ROBO2: variants seen among roughly 807,000 people sequenced by gnomAD.
The protein encoded by ROBO2 is roundabout guidance receptor 2.
In ROBO2, 53 loss-of-function variants were observed where a neutral mutation model predicts 160.8. That is an observed-to-expected ratio of 0.33 (90% confidence interval 0.26 to 0.41). The LOEUF is 0.41. ROBO2 is among the 10% of genes least tolerant of loss of function. The pLI is 1.00. For missense variants in ROBO2, 1,577 were observed against 1,722.4 expected (o/e 0.92, Z 1.49); for synonymous variants, 664 against 611.7 (o/e 1.09, Z -1.26).
Position 77,546,468 on chromosome 3 carries a change from T to G in ROBO2, c.1059+6T>G, listed in dbSNP as rs1262711040. On this transcript the variant is annotated splice_donor_region_variant and intron_variant, in intron 7 of 25. Transcript: ENST00000461745. Reference sequence around the variant, plus strand: ...GGCAGAAAGAAGGCAGCCAGGTGAGTGTGAGGCTTCACTGCTTTTCTGAAA... The same window carrying G: ...GGCAGAAAGAAGGCAGCCAGGTGAGGGTGAGGCTTCACTGCTTTTCTGAAA... The G allele has an allele frequency of 6.2e-7, 1 of 1,612,890 alleles. No individual in the cohort carries two copies. The highest frequency in any genetic ancestry group is 1.7e-5 in the Admixed American group (1 of 59,958).
At chr3:76,061,760 T>C (rs1157599625) in intron 2 of ROBO2, among the ~76,000 whole-genome samples, 1 of 152,124 alleles carries the variant, frequency 6.6e-6, no homozygotes, top group African/African-American at 2.4e-5. Flanking sequence ...CTTATAATTA[T>C]GTAGCCTAGA....
chr3:77,410,048 T>C (rs2076579530), intron 2 of ROBO2, among the ~76,000 whole-genome samples: 1 of 152,224 alleles, frequency 6.6e-6, no homozygotes, highest in South Asian at 2.1e-4. Context: ...AAGTGATCAG[T>C]AAATTGCATG....
chr3:77,302,170 G>A (rs561691100), intron 2 of ROBO2, among the ~76,000 whole-genome samples: 47 of 151,542 alleles, frequency 3.1e-4, no homozygotes, highest in South Asian at 2.7e-3. Context: ...TCAAACTACT[G>A]GCCTTAAATG....
chr3:76,535,433 G>A (rs756610414), intron 2 of ROBO2, among the ~76,000 whole-genome samples: 5 of 152,038 alleles, frequency 3.3e-5, no homozygotes, highest in African/African-American at 4.8e-5. Context: ...AGGTTTTAAT[G>A]GGATGGTAAG....
At chr3:76,060,183 C>T (rs925133541) in intron 2 of ROBO2, among the ~76,000 whole-genome samples, 4 of 151,898 alleles carry the variant, frequency 2.6e-5, no homozygotes. Flanking sequence ...CATTTCCATG[C>T]TCTTATAATC....
At chr3:75,977,474 T>A (rs2065162212) in intron 2 of ROBO2, among the ~76,000 whole-genome samples, 1 of 151,698 alleles carries the variant, frequency 6.6e-6, no homozygotes, top group Non-Finnish European at 1.5e-5. Context: ...TTTGAATCCA[T>A]AAAGTTGGAA....
chr3:76,488,883 C>T (rs529310750), intron 2 of ROBO2, among the ~76,000 whole-genome samples: 1 of 152,100 alleles, frequency 6.6e-6, no homozygotes, highest in South Asian at 2.1e-4. Flanking sequence ...CTTTGTCCTA[C>T]TACCTAGAAG....
intron 2 of ROBO2, among the ~76,000 whole-genome samples, chr3:76,316,206 A>C (rs1019275924): frequency 6.6e-6 from 1 of 152,140 alleles, no homozygotes; most frequent in Non-Finnish European, 1.5e-5. Context: ...GAAATTTACC[A>C]GGGCTGGTGT....
intron 2 of ROBO2, among the ~76,000 whole-genome samples, chr3:76,027,370 A>T (rs1238208772): frequency 6.6e-6 from 1 of 151,826 alleles, no homozygotes; most frequent in Admixed American, 6.6e-5. Context: ...CTTGTTTGGG[A>T]TCCTTGACAT....
intron 2 of ROBO2, among the ~76,000 whole-genome samples, chr3:77,278,401 C>T (rs2060029898): frequency 6.6e-6 from 1 of 152,064 alleles, no homozygotes; most frequent in African/African-American, 2.4e-5. Flanking sequence ...GGGTTATGTC[C>T]TGGACTGAGG....
intron 2 of ROBO2, among the ~76,000 whole-genome samples, chr3:77,327,464 G>A (rs2065520154): frequency 6.6e-6 from 1 of 152,062 alleles, no homozygotes. Flanking sequence ...CTATTCGCTT[G>A]GATATGCTGT....
chr3:76,835,499 C>T (rs568325614), intron 2 of ROBO2, among the ~76,000 whole-genome samples: 1 of 149,186 alleles, frequency 6.7e-6, no homozygotes, highest in South Asian at 2.1e-4. Context: ...AAATCATAGG[C>T]AAAGACTAAT....
At chr3:77,090,189 T>C (rs1396755112) in intron 1 of ROBO2, among the ~76,000 whole-genome samples, 1 of 152,054 alleles carries the variant, frequency 6.6e-6, no homozygotes, top group Non-Finnish European at 1.5e-5. Context: ...TTTTATGGGC[T>C]AAATTTTGGA....
chr3:77,058,241 T>C (rs1203156876), intron 1 of ROBO2, among the ~76,000 whole-genome samples: 1 of 152,220 alleles, frequency 6.6e-6, no homozygotes, highest in Non-Finnish European at 1.5e-5. Flanking sequence ...TCTAGTTTTA[T>C]TCAGTTGCCT....
Position 77,596,438 on chromosome 3 carries a change from G to A in ROBO2, c.2727-185G>A, listed in dbSNP as rs74896104. 6.6e-5 allele frequency among the ~76,000 whole-genome samples: 10 copies of A among 152,228 alleles called. No homozygotes were observed. The East Asian group carries it at 1.4e-3, about 21-fold the overall frequency. On this transcript the variant is annotated intron_variant, in intron 18 of 25. Transcript: ENST00000461745. ...AAAATCCCGGGCAAGGACTCCCTGC[G>A]TCCACTGTTAATGTATGTATAGCCT...
At chr3:77,234,146 G>A (rs2087610776) in intron 2 of ROBO2, among the ~76,000 whole-genome samples, 2 of 152,050 alleles carry the variant, frequency 1.3e-5, no homozygotes, top group Non-Finnish European at 2.9e-5. Flanking sequence ...GCTTTGTCTG[G>A]GCTGGCTTAG....
chr3:76,214,524 C>A (rs372234688), intron 2 of ROBO2, among the ~76,000 whole-genome samples: 124 of 152,300 alleles, frequency 8.1e-4, no homozygotes, highest in South Asian at 2.3e-3. Flanking sequence ...TATCCCGCAC[C>A]TGGCTTGGAG....
intron 2 of ROBO2, among the ~76,000 whole-genome samples, chr3:76,304,323 T>C (rs1424977156): frequency 6.6e-6 from 1 of 152,242 alleles, no homozygotes; most frequent in East Asian, 1.9e-4. Flanking sequence ...AAGTGTGTTT[T>C]TAATATGGCA....
chr3:76,555,265 T>C (rs1026737082), intron 2 of ROBO2, among the ~76,000 whole-genome samples: 3 of 151,000 alleles, frequency 2.0e-5, no homozygotes, highest in Non-Finnish European at 4.4e-5. Context: ...GGATCATAAA[T>C]TATCCAAAGT....
Sources: allele counts gnomAD v4.1 joint callset (sites outside exome capture counted in the v4.1 genomes callset), GRCh38; gene constraint gnomAD v4.1.1; transcripts MANE v1.5; gene names NCBI Gene and HGNC (gene_info 2026-07-23, HGNC 2026-07-21).